SIGLEC15: variants seen among roughly 807,000 people sequenced by gnomAD.
SIGLEC15 encodes the protein sialic acid-binding Ig-like lectin 15.
Under a neutral mutation model 26.2 loss-of-function variants are expected in SIGLEC15, and 31 were observed. The ratio of observed to expected loss-of-function variants is 1.18; its 90% CI spans 0.89 to 1.60. The LOEUF is 1.60. Among genes scored for constraint, SIGLEC15 ranks in the 40% most tolerant of loss-of-function variants. The probability of loss-of-function intolerance (pLI) is 0.00; values close to 1 mark genes in which losing one functional copy is unlikely to be tolerated. For missense variants in SIGLEC15, 501 were observed against 488.4 expected, an observed-to-expected ratio of 1.03 and a Z score of -0.24; for synonymous variants, 207 against 221.9, an observed-to-expected ratio of 0.93 and a Z score of 0.60.
At chr18:45,839,354 C>T (rs1481378833) in intron 4 of SIGLEC15, among the ~76,000 whole-genome samples, 3 of 152,188 alleles carry the variant, frequency 2.0e-5, no homozygotes, top group African/African-American at 7.2e-5. Flanking sequence ...TATAGAGACC[C>T]AGACCCGGTT....
Position 45,837,913 on chromosome 18 carries a change from G to A in SIGLEC15, c.496+17G>A, listed in dbSNP as rs964652650. ...ACGTGACAGGCGAGGCGGCGTGGGAGCGGGTCCCCGGCCTCCCTTCCCGCC... is the reference window on the plus strand; with the variant it reads ...ACGTGACAGGCGAGGCGGCGTGGGAACGGGTCCCCGGCCTCCCTTCCCGCC... On this transcript the variant is annotated intron_variant, in intron 3 of 5. Coordinates refer to ENST00000389474, the MANE Select transcript of SIGLEC15 (RefSeq NM_213602.3). The A allele has an allele frequency of 2.0e-6, 3 of 1,477,976 alleles. No individual in the cohort carries two copies. The highest frequency in any genetic ancestry group is 2.9e-5 in the African/African-American group (2 of 68,540). The allele number at this position is 1,477,976 out of a possible 1,614,324, so 91.6% of individuals were successfully genotyped here.
At chr18:45,835,127 A>G (rs966899941) in intron 1 of SIGLEC15, among the ~76,000 whole-genome samples, 6 of 152,186 alleles carry the variant, frequency 3.9e-5, no homozygotes, top group African/African-American at 1.4e-4. Flanking sequence ...GAAAAAAAGA[A>G]CTTGTAGTTT....
intron 1 of SIGLEC15, among the ~76,000 whole-genome samples, chr18:45,826,033 T>C (rs1211557118): frequency 2.6e-5 from 4 of 152,198 alleles, no homozygotes; most frequent in Non-Finnish European, 5.9e-5. Flanking sequence ...ATATAAAGGC[T>C]ACTTGCCCCA....
chr18:45,830,616 C>T (rs1328288316), intron 1 of SIGLEC15, among the ~76,000 whole-genome samples: 2 of 112,276 alleles, frequency 1.8e-5, no homozygotes, highest in South Asian at 2.9e-4. Flanking sequence ...GACGGAGTCT[C>T]GCTCTGTCAC....
chr18:45,831,314 TC>T lies in SIGLEC15; in HGVS notation c.52+5535del, dbSNP rs2048233309. On this transcript the variant is annotated intron_variant, in intron 1 of 5. Coordinates refer to ENST00000389474, the MANE Select transcript of SIGLEC15 (RefSeq NM_213602.3). ...ACATTTATCATTTCTGCCTAAGCTG[TC>T]TTTCCACTATTTTTTACTAAAATTT... Among the ~76,000 whole-genome samples the T allele has an allele frequency of 2.0e-5, 3 of 152,260 alleles. No homozygotes were observed. In the South Asian group the frequency reaches 6.2e-4, roughly 31 times the overall value.
intron 3 of SIGLEC15, chr18:45,838,433 G>C (rs994887647): frequency 4.0e-5 from 20 of 502,638 alleles, no homozygotes; most frequent in African/African-American, 3.7e-4. Flanking sequence ...GCATTTGCTA[G>C]GGAGCCGGGA....
intron 5 of SIGLEC15, 109 bp downstream of exon 5, chr18:45,840,350 T>A: frequency 7.7e-7 from 1 of 1,291,936 alleles, no homozygotes; most frequent in South Asian, 1.5e-5. Flanking sequence ...GGGGCTGGGG[T>A]CCTACTTTGA....
chr18:45,836,350 A>G (rs2048275778), intron 1 of SIGLEC15, among the ~76,000 whole-genome samples: 1 of 152,164 alleles, frequency 6.6e-6, no homozygotes, highest in African/African-American at 2.4e-5. Context: ...GCCCTTTGGA[A>G]CTACAAGAGC....
rs1012118689 is a variant in SIGLEC15, at chr18:45,826,054, C to T, written c.52+274C>T. On this transcript the variant is annotated intron_variant, in intron 1 of 5. Coordinates refer to ENST00000389474, the MANE Select transcript of SIGLEC15 (RefSeq NM_213602.3). The stretch of plus-strand genomic sequence containing the variant: ...AGGCTACTTGCCCCACCCATTGCTG[C>T]GAGCATCCAGAGGACAATAGGCCAG... 2.0e-5 allele frequency among the ~76,000 whole-genome samples: 3 copies of T among 152,154 alleles called. No homozygotes were observed. In the East Asian group the frequency reaches 5.8e-4, roughly 29 times the overall value.
intron 3 of SIGLEC15, 131 bp from the exon 4 acceptor site, chr18:45,838,587 G>T: frequency 8.0e-7 from 1 of 1,242,514 alleles, no homozygotes; most frequent in Non-Finnish European, 1.1e-6. Flanking sequence ...CATCTGTATT[G>T]GGACGGGGGC....
At chr18:45,839,803 C>A (rs1473663050) in intron 4 of SIGLEC15, among the ~76,000 whole-genome samples, 1 of 152,190 alleles carries the variant, frequency 6.6e-6, no homozygotes, top group South Asian at 2.1e-4. Context: ...GATCAGAAAT[C>A]TGCCCTGTGC....
rs929108062 is a variant in SIGLEC15, at chr18:45,837,744, G to C, written c.344G>C (p.Arg115Pro). The C allele has an allele frequency of 7.9e-6, 12 of 1,512,460 alleles. No homozygotes were observed. The highest frequency in any genetic ancestry group is 2.7e-5 in the East Asian group (1 of 36,766). The allele number at this position is 1,512,460 out of a possible 1,614,324, so 93.7% of individuals were successfully genotyped here. ...QTALSLHGRF[R>P]LLGNPRRNDL... ...GCGCTGAGCCTGCACGGCCGCTTCC[G>C]GCTGCTGGGCAACCCGCGCCGCAAC... The change falls in exon 3 of 6, where the codon CGG becomes CCG. Residue 115 changes from arginine to proline, a missense_variant. By Grantham distance (103) the Arg-to-Pro change is moderately radical. Transcript: ENST00000389474.
chr18:45,842,739 G>A lies in SIGLEC15; in HGVS notation c.*552G>A, dbSNP rs2048336151. 1.3e-5 allele frequency: 2 copies of A among 155,920 alleles called. No homozygotes were observed. Among genetic ancestry groups the A allele is most frequent in the Admixed American group, 1.2e-4 (2 of 16,152 alleles). The allele number at this position is 155,920 out of a possible 1,614,324, so 9.7% of individuals were successfully genotyped here. ...GAAATAATGGATATGAAGGGGCTTT[G>A]GAAAGTACAAAGCCATCTTCTCATG... is the stretch of plus-strand genomic sequence containing the variant. On this transcript the variant is annotated 3_prime_UTR_variant, in exon 6 of 6. Transcript: ENST00000389474.
At chr18:45,833,124 T>C (rs1397101397) in intron 1 of SIGLEC15, among the ~76,000 whole-genome samples, 2 of 152,108 alleles carry the variant, frequency 1.3e-5, no homozygotes, top group East Asian at 1.9e-4. Context: ...TTGGCTCTTG[T>C]CCTTGGGCAC....
In SIGLEC15 at chr18:45,838,906, C is replaced by A; in HGVS notation, c.685C>A (p.Leu229Met). The change falls in exon 4 of 6, where the codon CTG (leucine) becomes ATG (methionine). Residue 229 changes from leucine to methionine, a missense_variant. Leu to Met is a conservative substitution (Grantham distance 15, BLOSUM62 2). Transcript: ENST00000389474. ...GHLVTAELPALTHDGRYTCTA... is the reference protein window; with the variant it reads ...GHLVTAELPAMTHDGRYTCTA... Reference sequence around the variant, plus strand: ...CCTAGTGACCGCCGAACTGCCCGCACTGACCCATGACGGCCGCTACACGTG... The same window carrying A: ...CCTAGTGACCGCCGAACTGCCCGCAATGACCCATGACGGCCGCTACACGTG... The A allele has an allele frequency of 6.2e-7, 1 of 1,601,588 alleles. No individual in the cohort carries two copies. Among genetic ancestry groups the A allele is most frequent in the East Asian group, 2.2e-5 (1 of 44,544 alleles).
chr18:45,839,203 T>A (rs2048304237), intron 4 of SIGLEC15, 108 bp downstream of exon 4: 1 of 1,307,764 alleles, frequency 7.6e-7, no homozygotes, highest in Non-Finnish European at 9.7e-7. Flanking sequence ...TGTCGGTTTT[T>A]TTGCCCTATG....
chr18:45,837,986 C>A, intron 3 of SIGLEC15, 90 bp downstream of exon 3: 2 of 1,378,540 alleles, frequency 1.5e-6, no homozygotes, highest in South Asian at 3.2e-5. Flanking sequence ...AGGCGCTGTG[C>A]TGAGCCAGGA....
intron 1 of SIGLEC15, among the ~76,000 whole-genome samples, chr18:45,833,699 AAG>A (rs2048252970): frequency 6.6e-6 from 1 of 152,192 alleles, no homozygotes; most frequent in Non-Finnish European, 1.5e-5. Flanking sequence ...AATTCTCAAA[AAG>A]AGTTTACTGC....
intron 1 of SIGLEC15, among the ~76,000 whole-genome samples, chr18:45,835,884 G>A (rs1024726326): frequency 6.6e-6 from 1 of 152,186 alleles, no homozygotes; most frequent in Non-Finnish European, 1.5e-5. Context: ...GGAAGGCCAG[G>A]AAAGGGACTG....
Sources: gnomAD v4.1 joint callset for allele counts (sites outside exome capture counted in the v4.1 genomes callset) on GRCh38, gnomAD v4.1.1 for gene constraint, MANE v1.5 for transcripts, NCBI Gene and HGNC (gene_info 2026-07-23, HGNC 2026-07-21) for gene names.